Variants in HHAT observed in about 807,000 individuals in gnomAD.
The protein encoded by HHAT is protein-cysteine N-palmitoyltransferase HHAT.
In HHAT, 47 loss-of-function variants were observed where a neutral mutation model predicts 70.8. That is an observed-to-expected ratio of 0.66 (90% CI 0.53 to 0.85). The LOEUF is 0.85. Ranked by LOEUF, HHAT falls within the 40% of genes least tolerant of loss-of-function variation. The pLI, the probability that HHAT is intolerant of heterozygous loss-of-function variation, is 0.00. For synonymous variants in HHAT, 228 were observed against 247.6 expected, an observed-to-expected ratio of 0.92 and a Z score of 0.74; for missense variants, 609 against 604.8, an observed-to-expected ratio of 1.01 and a Z score of -0.07.
At chr1:210,612,723 C>T (rs568249577) in intron 10 of HHAT, among the ~76,000 whole-genome samples, 18 of 152,214 alleles carry the variant, frequency 1.2e-4, no homozygotes, top group African/African-American at 4.3e-4. Context: ...AACCTATATA[C>T]CGTTTTCCAC....
intron 9 of HHAT, among the ~76,000 whole-genome samples, chr1:210,555,239 T>G (rs1457347530): frequency 6.6e-6 from 1 of 152,170 alleles, no homozygotes; most frequent in Non-Finnish European, 1.5e-5. Flanking sequence ...AGCACTCACT[T>G]GAGAAGACCC....
At chr1:210,627,790 G>A (rs1341755620) in intron 11 of HHAT, among the ~76,000 whole-genome samples, 1 of 152,136 alleles carries the variant, frequency 6.6e-6, no homozygotes, top group African/African-American at 2.4e-5. Context: ...AGCTGCTTGA[G>A]GAATATGCAT....
intron 8 of HHAT, among the ~76,000 whole-genome samples, chr1:210,483,629 A>T (rs914672693): frequency 6.7e-6 from 1 of 148,352 alleles, no homozygotes; most frequent in Non-Finnish European, 1.5e-5. Context: ...TAAAGCCTAA[A>T]ATGCAAAGTG....
chr1:210,660,796 C>G (rs890521797), intron 11 of HHAT, among the ~76,000 whole-genome samples: 2 of 152,034 alleles, frequency 1.3e-5, no homozygotes, highest in African/African-American at 4.8e-5. Flanking sequence ...ACAAACCCGA[C>G]AAAAACAAGA....
chr1:210,414,143 C>T lies in HHAT; in HGVS notation c.685-4011C>T, dbSNP rs557411462. On this transcript the variant is annotated intron_variant, in intron 6 of 11. Transcript: ENST00000261458. ...GCAGATTCAGTGTCTGGTGAGGGCC[C>T]GCTTCCTTGTTCATAGATTGGCACC... Among the ~76,000 whole-genome samples the T allele has an allele frequency of 1.1e-4, 16 of 152,274 alleles. No individual in the cohort carries two copies. The South Asian group carries it at 1.2e-3, about 12-fold the overall frequency.
chr1:210,513,133 T>G lies in HHAT; in HGVS notation c.1008-20T>G. 6.8e-7 allele frequency: 1 copy of G among 1,462,466 alleles called. No homozygotes were observed. The highest frequency in any genetic ancestry group is 9.5e-7 in the Non-Finnish European group (1 of 1,051,372). 90.6% of individuals were successfully genotyped at this position (1,462,466 alleles called of 1,614,324 possible). The stretch of plus-strand genomic sequence containing the variant: ...TAAATATCTTTTATTGATATGCTTG[T>G]CTATGTCTCTTTTGAACAGGTATTT... On this transcript the variant is annotated intron_variant, in intron 8 of 11. Transcript: ENST00000261458.
intron 8 of HHAT, among the ~76,000 whole-genome samples, chr1:210,496,660 C>T (rs2094649684): frequency 6.6e-6 from 1 of 152,136 alleles, no homozygotes; most frequent in South Asian, 2.1e-4. Context: ...TACTGTGCAC[C>T]ATTAGGCAGA....
chr1:210,569,710 C>A (rs1655761704), intron 9 of HHAT, among the ~76,000 whole-genome samples: 1 of 152,154 alleles, frequency 6.6e-6, no homozygotes, highest in Non-Finnish European at 1.5e-5. Flanking sequence ...ATATCCACTT[C>A]TTTATCTCAG....
At position 210,329,232 on chromosome 1, in the gene HHAT, C is replaced by T. The variant is rs573330426; in HGVS notation, c.-44+128C>T. The T allele has an allele frequency of 6.4e-6, 8 of 1,243,294 alleles. No homozygotes were observed. The South Asian group carries it at 2.8e-4, about 44-fold the overall frequency. The allele number at this position is 1,243,294 out of a possible 1,614,324, so 77.0% of individuals were successfully genotyped here. On this transcript the variant is annotated intron_variant, in intron 1 of 11. Coordinates refer to ENST00000261458, the MANE Select transcript of HHAT (RefSeq NM_018194.6). ...TCCTACCCAAGTTCCCGTGTGCGCG[C>T]CCGAGGGCGGGACAGAGGAAGTTCC...
intron 10 of HHAT, among the ~76,000 whole-genome samples, chr1:210,591,459 C>G (rs147957412): frequency 2.8e-3 from 432 of 152,184 alleles, no homozygotes; most frequent in African/African-American, 9.8e-3. Flanking sequence ...GATGGACACT[C>G]AGGTTGCTTC....
intron 1 of HHAT, among the ~76,000 whole-genome samples, chr1:210,343,517 AAGG>A (rs1326515912): frequency 6.6e-6 from 1 of 152,040 alleles, no homozygotes; most frequent in Non-Finnish European, 1.5e-5. Flanking sequence ...AAGCTCTGTT[AAGG>A]AGGATGGGTG....
At chr1:210,594,960 A>C (rs1361811427) in intron 10 of HHAT, among the ~76,000 whole-genome samples, 1 of 38,506 alleles carries the variant, frequency 2.6e-5, no homozygotes, top group African/African-American at 6.6e-5. Context: ...GTTGCTTTTC[A>C]GATTCTTTTT....
intron 9 of HHAT, among the ~76,000 whole-genome samples, chr1:210,539,432 G>A (rs1194223365): frequency 6.6e-6 from 1 of 152,226 alleles, no homozygotes; most frequent in Non-Finnish European, 1.5e-5. Flanking sequence ...CTATGGAGTA[G>A]GAAGGCCTTT....
At chr1:210,523,360 A>T (rs758653368) in intron 9 of HHAT, among the ~76,000 whole-genome samples, 102 of 152,064 alleles carry the variant, frequency 6.7e-4, no homozygotes, top group Non-Finnish European at 1.2e-3. Context: ...AATCCCACCC[A>T]TCTCAGTCCA....
At chr1:210,491,261 G>A (rs912974417) in intron 8 of HHAT, among the ~76,000 whole-genome samples, 1 of 152,090 alleles carries the variant, frequency 6.6e-6, no homozygotes, top group African/African-American at 2.4e-5. Flanking sequence ...TCACTCTTGA[G>A]CCCTCTCCCT....
At chr1:210,349,652 CTTTT>C (rs34752131) in intron 2 of HHAT, among the ~76,000 whole-genome samples, 1 of 135,910 alleles carries the variant, frequency 7.4e-6, no homozygotes, top group Non-Finnish European at 1.6e-5. Flanking sequence ...CTACCTAAAA[CTTTT>C]TTTTTTTTTT....
In HHAT at chr1:210,674,562, G is replaced by T; in HGVS notation, c.*183G>T. ...TCACAGCCAGACAATCTTCTAATCTGGAGTCTTTGAGATCTTCTACCCCAA... is the reference window on the plus strand; with the variant it reads ...TCACAGCCAGACAATCTTCTAATCTTGAGTCTTTGAGATCTTCTACCCCAA... On this transcript the variant is annotated 3_prime_UTR_variant, in exon 12 of 12. Transcript: ENST00000261458. 1 of 573,054 alleles carries T rather than the reference G, an allele frequency of 1.7e-6. No individual in the cohort carries two copies. Among genetic ancestry groups the T allele is most frequent in the Non-Finnish European group, 3.1e-6 (1 of 322,566 alleles). 35.5% of individuals were successfully genotyped at this position (573,054 alleles called of 1,614,324 possible).
At chr1:210,600,156 T>G (rs1445233490) in intron 10 of HHAT, among the ~76,000 whole-genome samples, 2 of 152,214 alleles carry the variant, frequency 1.3e-5, no homozygotes, top group Non-Finnish European at 2.9e-5. Context: ...GCTATATTTA[T>G]CACAGTTGAA....
intron 2 of HHAT, among the ~76,000 whole-genome samples, chr1:210,350,889 T>C (rs1043629129): frequency 6.6e-6 from 1 of 152,228 alleles, no homozygotes; most frequent in African/African-American, 2.4e-5. Flanking sequence ...CTGTGGGTTT[T>C]TTATGGATGC....
Sources: allele counts gnomAD v4.1 joint callset (sites outside exome capture counted in the v4.1 genomes callset), GRCh38; gene constraint gnomAD v4.1.1; transcripts MANE v1.5; gene names NCBI Gene and HGNC (gene_info 2026-07-23, HGNC 2026-07-21).